Variants in TECPR2 observed in about 807,000 individuals in gnomAD.
The protein encoded by TECPR2 is tectonin beta-propeller repeat containing 2, also known as tectonin beta-propeller repeat-containing protein 2.
A neutral mutation model predicts 138.1 loss-of-function variants in TECPR2; 65 were observed. The ratio of observed to expected loss-of-function variants is 0.47; its 90% CI spans 0.39 to 0.58. TECPR2 has a LOEUF of 0.58. Ranked by LOEUF, TECPR2 falls within the 20% of genes least tolerant of loss-of-function variation. The pLI is 0.00. For synonymous variants in TECPR2, 746 were observed against 749.8 expected, an observed-to-expected ratio of 0.99 and a Z score of 0.08; for missense variants, 1,553 against 1,824.5, an observed-to-expected ratio of 0.85 and a Z score of 2.71.
At position 102,431,509 on chromosome 14, in the gene TECPR2, A is replaced by AT. The variant is rs200952724; in HGVS notation, c.1085-281dup. On this transcript the variant is annotated intron_variant, in intron 7 of 19. Transcript: ENST00000359520. Reference sequence around the variant, plus strand: ...CGGCGCCCGCCACCATGCCCGGCTAATTTTTTGTATTTTTAGTAGAGACGG... The same window carrying AT: ...CGGCGCCCGCCACCATGCCCGGCTAATTTTTTTGTATTTTTAGTAGAGACGG... Among the ~76,000 whole-genome samples, 1,476 of 151,980 alleles carry AT rather than the reference A, an allele frequency of 9.7e-3. 23 individuals are homozygous for AT. Among genetic ancestry groups the AT allele is most frequent in the African/African-American group, 0.034 (1,402 of 41,466 alleles).
chr14:102,389,521 T>G (rs943460204), intron 2 of TECPR2, among the ~76,000 whole-genome samples: 1 of 152,142 alleles, frequency 6.6e-6, no homozygotes, highest in African/African-American at 2.4e-5. Flanking sequence ...TGGAACAGAT[T>G]AGAGAAGTCA....
At chr14:102,400,610 A>C (rs58991631) in intron 2 of TECPR2, among the ~76,000 whole-genome samples, 48,684 of 152,046 alleles carry the variant, frequency 0.32, 8,116 homozygotes, top group Middle Eastern at 0.4. Context: ...AGAGAAAATC[A>C]CTGTAGAATA....
chr14:102,450,631 G>A lies in TECPR2; in HGVS notation c.3388G>A (p.Ala1130Thr). ...ATKWAFVLAS[A>T]APTKEGSFLW... ...AAAATGGGCCTTTGTGTTGGCTTCT[G>A]CAGCTCCCACGAAGGAAGGTGGGTC... The change falls in exon 15 of 20, where the codon GCA (alanine) becomes ACA (threonine). Residue 1130 changes from alanine (A) to threonine (T), a missense_variant. Physicochemically the swap from Ala to Thr is moderately conservative, Grantham distance 58. Transcript: ENST00000359520. 1 of 1,614,166 alleles carries A rather than the reference G, an allele frequency of 6.2e-7. No individual in the cohort carries two copies. Among genetic ancestry groups the A allele is most frequent in the Non-Finnish European group, 8.5e-7 (1 of 1,180,008 alleles).
In TECPR2 at chr14:102,408,480, G is replaced by T; in HGVS notation, c.349-8G>T. The T allele has an allele frequency of 6.3e-7, 1 of 1,594,528 alleles. No individual in the cohort carries two copies. Among genetic ancestry groups the T allele is most frequent in the Non-Finnish European group, 8.5e-7 (1 of 1,174,498 alleles). The stretch of plus-strand genomic sequence containing the variant: ...TTTCTTGTGTATATTTTTATCCCTT[G>T]TTCATAGCTTCGGAGATTTGATGTC... On this transcript the variant is annotated splice_region_variant and splice_polypyrimidine_tract_variant and intron_variant, in intron 3 of 19. Coordinates refer to ENST00000359520, the MANE Select transcript of TECPR2 (RefSeq NM_014844.5).
At position 102,449,856 on chromosome 14, in the gene TECPR2, G is replaced by A; in HGVS notation, c.3303G>A (p.Lys1101=). 6.2e-7 allele frequency: 1 copy of A among 1,613,636 alleles called. No homozygotes were observed. The stretch of plus-strand genomic sequence containing the variant: ...GCAAGAATGAATTCCACGTCGCTAA[G>A]GGAAGTCTCATAGGTGGGTGAATTG... The part of the protein sequence containing the change: ...SSGKNEFHVA[K]GSLIGTYWNH... The change falls in exon 14 of 20, where the codon AAG becomes AAA. Residue 1101 remains lysine, a synonymous_variant. Transcript: ENST00000359520.
Position 102,492,364 on chromosome 14 carries a change from G to C in TECPR2, c.3790-4615G>C, listed in dbSNP as rs556521861. On this transcript the variant is annotated intron_variant, in intron 17 of 19. Coordinates refer to ENST00000359520, the MANE Select transcript of TECPR2 (RefSeq NM_014844.5). ...CCCAGGCCCTGGTGTCAGGAGTGTG[G>C]CAGCAGCCAGGGCCGGGGCTCTCCT... 2.6e-5 allele frequency among the ~76,000 whole-genome samples: 4 copies of C among 152,344 alleles called. No homozygotes were observed. The South Asian group carries it at 8.3e-4, about 32-fold the overall frequency.
chr14:102,463,436 A>G (rs1195145827), intron 16 of TECPR2, among the ~76,000 whole-genome samples: 22 of 150,102 alleles, frequency 1.5e-4, no homozygotes, highest in Non-Finnish European at 2.2e-4. Flanking sequence ...AAAAAAAAAA[A>G]AAAGAAAAAA....
chr14:102,488,332 T>A (rs1876044294), intron 17 of TECPR2, among the ~76,000 whole-genome samples: 2 of 137,872 alleles, frequency 1.5e-5, no homozygotes, highest in East Asian at 2.2e-4. Context: ...TTTTTTTTTT[T>A]AATTGAATTT....
At chr14:102,369,623 G>C (rs1293434490) in intron 1 of TECPR2, among the ~76,000 whole-genome samples, 1 of 151,842 alleles carries the variant, frequency 6.6e-6, no homozygotes, top group African/African-American at 2.4e-5. Flanking sequence ...ACAGAGTTTT[G>C]TCATGTTGCC....
rs1042347941 is a variant in TECPR2, at chr14:102,499,511, G to A, written c.*1254G>A. ...CCCGCACAGACTTGACTGGCAGGGC[G>A]GTCACGGGACCTGCGGGCTGGCTCC... On this transcript the variant is annotated 3_prime_UTR_variant, in exon 20 of 20. Transcript: ENST00000359520. The A allele has an allele frequency of 4.4e-5, 20 of 453,316 alleles. No homozygotes were observed. Among genetic ancestry groups the A allele is most frequent in the African/African-American group, 2.4e-4 (12 of 50,776 alleles). The allele number at this position is 453,316 out of a possible 1,614,324, so 28.1% of individuals were successfully genotyped here. A position where few individuals can be genotyped will look rare whatever the true frequency, so the allele number is the denominator to read the frequency against.
At chr14:102,428,913 T>C (rs1889397304) in intron 7 of TECPR2, among the ~76,000 whole-genome samples, 1 of 151,480 alleles carries the variant, frequency 6.6e-6, no homozygotes, top group Non-Finnish European at 1.5e-5. Flanking sequence ...AATGAGGCGA[T>C]CTCAGCTCAC....
chr14:102,453,005 A>G (rs1402899885), intron 16 of TECPR2, among the ~76,000 whole-genome samples: 2 of 152,210 alleles, frequency 1.3e-5, no homozygotes, highest in Non-Finnish European at 2.9e-5. Flanking sequence ...TCCCTATGAC[A>G]GGATCAGTGC....
chr14:102,435,855 C>T (rs1232822379), intron 9 of TECPR2, among the ~76,000 whole-genome samples: 1 of 152,150 alleles, frequency 6.6e-6, no homozygotes, highest in Admixed American at 6.5e-5. Flanking sequence ...TTAAAAGTGC[C>T]TACTTCCCTT....
At position 102,500,232 on chromosome 14, in the gene TECPR2, A is replaced by G. The variant is rs1891407481; in HGVS notation, c.*1975A>G. On this transcript the variant is annotated 3_prime_UTR_variant, in exon 20 of 20. Coordinates refer to ENST00000359520, the MANE Select transcript of TECPR2 (RefSeq NM_014844.5). ...GAAGTGTCCTCAGCCGACACTCACG[A>G]GGGCAGTGCAAGGGAGAACCTGCCA... The G allele has an allele frequency of 6.6e-6, 1 of 152,488 alleles. No homozygotes were observed. Among genetic ancestry groups the G allele is most frequent in the Non-Finnish European group, 1.5e-5 (1 of 68,068 alleles). The allele number at this position is 152,488 out of a possible 1,614,324, so 9.4% of individuals were successfully genotyped here. A position where few individuals can be genotyped will look rare whatever the true frequency, so the allele number is the denominator to read the frequency against.
intron 2 of TECPR2, among the ~76,000 whole-genome samples, chr14:102,383,253 C>T (rs1323216786): frequency 2.0e-5 from 3 of 152,138 alleles, no homozygotes; most frequent in African/African-American, 7.2e-5. Flanking sequence ...TTTGCTAGCT[C>T]CTTGGGTTTT....
intron 10 of TECPR2, among the ~76,000 whole-genome samples, chr14:102,438,847 T>TTTTC (rs983667268): frequency 2.0e-5 from 3 of 151,282 alleles, no homozygotes; most frequent in Admixed American, 1.3e-4. Flanking sequence ...TTTGCTTGCT[T>TTTTC]TTTCTTTCTT....
At chr14:102,426,394 A>G (rs1889322457) in intron 6 of TECPR2, among the ~76,000 whole-genome samples, 2 of 152,112 alleles carry the variant, frequency 1.3e-5, no homozygotes, top group South Asian at 4.1e-4. Flanking sequence ...TTAAGAGCAG[A>G]GCTTTTGCTC....
chr14:102,406,974 C>T (rs997394816), intron 2 of TECPR2, among the ~76,000 whole-genome samples: 1 of 152,202 alleles, frequency 6.6e-6, no homozygotes, highest in African/African-American at 2.4e-5. Flanking sequence ...TTCTTCCTGC[C>T]TCAGCCTCCC....
chr14:102,461,742 G>T (rs1238406146), intron 16 of TECPR2, among the ~76,000 whole-genome samples: 1 of 152,188 alleles, frequency 6.6e-6, no homozygotes, highest in East Asian at 1.9e-4. Flanking sequence ...TTGCTCTGCG[G>T]CTCCACCATC....
Sources: allele counts gnomAD v4.1 joint callset (sites outside exome capture counted in the v4.1 genomes callset), GRCh38; gene constraint gnomAD v4.1.1; transcripts MANE v1.5; gene names NCBI Gene and HGNC (gene_info 2026-07-23, HGNC 2026-07-21).